CFAP299: variants seen among roughly 807,000 people sequenced by gnomAD.
The protein encoded by CFAP299 is cilia- and flagella-associated protein 299.
CFAP299 carries 21 observed loss-of-function variants against 27.0 expected under a neutral mutation model. The observed-to-expected ratio is 0.78, with a 90% CI of 0.55 to 1.12. CFAP299 has a LOEUF of 1.12. CFAP299 is among the 50% of genes most tolerant of loss of function. The probability of loss-of-function intolerance (pLI) is 0.00; values close to 1 mark genes in which losing one functional copy is unlikely to be tolerated. For synonymous variants in CFAP299, 104 were observed against 98.1 expected, an observed-to-expected ratio of 1.06 and a Z score of -0.36; for missense variants, 310 against 276.6, an observed-to-expected ratio of 1.12 and a Z score of -0.86.
At chr4:80,692,703 A>C (rs926395159) in intron 3 of CFAP299, among the ~76,000 whole-genome samples, 4 of 152,204 alleles carry the variant, frequency 2.6e-5, no homozygotes, top group Non-Finnish European at 5.9e-5. Flanking sequence ...AATGGGATCT[A>C]ATTAAACTAA....
chr4:80,775,476 T>A (rs1726483423), intron 3 of CFAP299, among the ~76,000 whole-genome samples: 1 of 152,104 alleles, frequency 6.6e-6, no homozygotes, highest in Admixed American at 6.6e-5. Context: ...TAATACACCA[T>A]ATTTATTTTC....
chr4:80,793,012 C>T (rs1179630429), intron 3 of CFAP299, among the ~76,000 whole-genome samples: 1 of 151,874 alleles, frequency 6.6e-6, no homozygotes, highest in African/African-American at 2.4e-5. Context: ...AATTCATTTT[C>T]ATATGCTAAA....
At chr4:80,768,602 A>G (rs1021886437) in intron 3 of CFAP299, among the ~76,000 whole-genome samples, 2 of 152,190 alleles carry the variant, frequency 1.3e-5, no homozygotes, top group South Asian at 2.1e-4. Context: ...TGATTTGCCA[A>G]AGAAGGTCTA....
chr4:80,767,041 A>G (rs1033014543), intron 3 of CFAP299, among the ~76,000 whole-genome samples: 1 of 152,208 alleles, frequency 6.6e-6, no homozygotes, highest in South Asian at 2.1e-4. Flanking sequence ...CAAGACCCTC[A>G]GTGAATGCCT....
chr4:80,684,455 C>T (rs1321645079), intron 3 of CFAP299, among the ~76,000 whole-genome samples: 5 of 151,970 alleles, frequency 3.3e-5, no homozygotes, highest in Non-Finnish European at 5.9e-5. Flanking sequence ...TTAGTAGAGA[C>T]GGGGTTTCAC....
intron 3 of CFAP299, among the ~76,000 whole-genome samples, chr4:80,741,436 G>A (rs1325685533): frequency 6.6e-6 from 1 of 151,986 alleles, no homozygotes; most frequent in African/African-American, 2.4e-5. Flanking sequence ...TCCCTTTAAG[G>A]TAGTGGGTTC....
rs111568943 is a variant in CFAP299 at position 80,952,632 on chromosome 4, GC to G, written c.606+7694del. Among the ~76,000 whole-genome samples the G allele has an allele frequency of 5.3e-4, 81 of 152,128 alleles. 1 individual carries two copies. Among genetic ancestry groups the G allele is most frequent in the African/African-American group, 1.8e-3 (74 of 41,508 alleles). ...TGTCAAATTCTTTCTTTTTCTCTGA[GC>G]AAAAGACTAGACACATAAGGTTTAA... On this transcript the variant is annotated intron_variant, in intron 5 of 5. Coordinates refer to ENST00000358105, the MANE Select transcript of CFAP299 (RefSeq NM_152770.3).
chr4:80,534,142 T>G (rs964111407), intron 2 of CFAP299, among the ~76,000 whole-genome samples: 2 of 151,900 alleles, frequency 1.3e-5, no homozygotes, highest in Non-Finnish European at 2.9e-5. Context: ...TTCTGGGAGG[T>G]GGAACTAAAG....
At position 80,886,314 on chromosome 4, in the gene CFAP299, C is replaced by G. The variant is rs370782749; in HGVS notation, c.476+16179C>G. On this transcript the variant is annotated intron_variant, in intron 4 of 5. Coordinates refer to ENST00000358105, the MANE Select transcript of CFAP299 (RefSeq NM_152770.3). ...CAAGTGAAGGGCTTCGGGCAAAGCC[C>G]AGTTTTGTTCTTGCTTCAGATCTAA... Among the ~76,000 whole-genome samples, 10 of 152,300 alleles carry G rather than the reference C, an allele frequency of 6.6e-5. No individual in the cohort carries two copies. In the East Asian group the frequency reaches 7.7e-4, roughly 12 times the overall value.
intron 2 of CFAP299, among the ~76,000 whole-genome samples, chr4:80,578,024 T>C (rs759961557): frequency 2.0e-5 from 3 of 152,202 alleles, no homozygotes; most frequent in Admixed American, 6.5e-5. Context: ...TCAAGTAGGA[T>C]TATATAAATA....
intron 3 of CFAP299, among the ~76,000 whole-genome samples, chr4:80,738,410 C>A (rs935896613): frequency 1.7e-4 from 26 of 152,132 alleles, no homozygotes; most frequent in South Asian, 4.1e-4. Flanking sequence ...TCGGCTTGGA[C>A]CAGTGTTGGA....
At chr4:80,694,024 ATCT>A (rs1720931327) in intron 3 of CFAP299, among the ~76,000 whole-genome samples, 4 of 152,066 alleles carry the variant, frequency 2.6e-5, no homozygotes, top group South Asian at 2.1e-4. Context: ...ATTGTGAAAA[ATCT>A]TCTCTTTGTA....
chr4:80,580,483 G>T (rs1432294285), intron 2 of CFAP299, among the ~76,000 whole-genome samples: 3 of 151,808 alleles, frequency 2.0e-5, no homozygotes, highest in African/African-American at 7.3e-5. Context: ...TCCTTCAACT[G>T]TAATTTTTAG....
chr4:80,344,648 CA>C (rs1450897602), intron 1 of CFAP299, among the ~76,000 whole-genome samples: 1 of 152,018 alleles, frequency 6.6e-6, no homozygotes, highest in Non-Finnish European at 1.5e-5. Flanking sequence ...TTTATAAAGC[CA>C]GTATTATCCT....
At chr4:80,609,575 G>A (rs988061120) in intron 3 of CFAP299, among the ~76,000 whole-genome samples, 4 of 151,840 alleles carry the variant, frequency 2.6e-5, no homozygotes, top group Admixed American at 1.3e-4. Context: ...AGTAATCAAC[G>A]TTAATGTTAT....
chr4:80,698,123 G>C (rs1474978622), intron 3 of CFAP299, among the ~76,000 whole-genome samples: 2 of 152,134 alleles, frequency 1.3e-5, no homozygotes, highest in African/African-American at 2.4e-5. Context: ...TGAAATTCTG[G>C]CTTGTAACTT....
intron 2 of CFAP299, among the ~76,000 whole-genome samples, chr4:80,402,418 G>A (rs1004794102): frequency 9.2e-5 from 14 of 152,226 alleles, no homozygotes; most frequent in South Asian, 6.2e-4. Context: ...TCATGATAGC[G>A]AATAAGTATC....
At chr4:80,499,438 AT>A (rs1731632977) in intron 2 of CFAP299, among the ~76,000 whole-genome samples, 1 of 152,058 alleles carries the variant, frequency 6.6e-6, no homozygotes. Flanking sequence ...ACTGACAGAT[AT>A]TTTTTCCATG....
intron 3 of CFAP299, among the ~76,000 whole-genome samples, chr4:80,851,727 A>G (rs1281402847): frequency 6.6e-6 from 1 of 152,148 alleles, no homozygotes; most frequent in African/African-American, 2.4e-5. Context: ...ATGGGGTGGG[A>G]TGGGACCATT....
Sources: allele counts gnomAD v4.1 joint callset (sites outside exome capture counted in the v4.1 genomes callset), GRCh38; gene constraint gnomAD v4.1.1; transcripts MANE v1.5; gene names NCBI Gene and HGNC (gene_info 2026-07-23, HGNC 2026-07-21).